SSBP2: variants seen among roughly 807,000 people sequenced by gnomAD.
The protein encoded by SSBP2 is single-stranded DNA-binding protein 2.
Under a neutral mutation model 61.8 loss-of-function variants are expected in SSBP2, and 17 were observed. That is an observed-to-expected ratio of 0.28 (90% CI 0.19 to 0.41). The LOEUF (loss-of-function observed/expected upper bound fraction) is 0.41, where lower values mean the gene tolerates loss of function less well. Among genes scored for constraint, SSBP2 ranks in the 10% least tolerant of loss-of-function variants. The pLI is 1.00. For synonymous variants in SSBP2, 139 were observed against 141.3 expected (o/e 0.98, Z 0.12); for missense variants, 310 against 458.7 (o/e 0.68, Z 2.96).
intron 2 of SSBP2, among the ~76,000 whole-genome samples, chr5:81,647,410 T>C (rs1025725926): frequency 6.6e-6 from 1 of 152,136 alleles, no homozygotes; most frequent in African/African-American, 2.4e-5. Flanking sequence ...TACTAGACAA[T>C]GTTTTGGAAG....
chr5:81,669,308 G>T (rs1274982430), intron 1 of SSBP2, among the ~76,000 whole-genome samples: 1 of 151,862 alleles, frequency 6.6e-6, no homozygotes. Flanking sequence ...CTCTTATCAG[G>T]AATTGTACTC....
In SSBP2 at chr5:81,480,316, A is replaced by G. The variant is rs777121330; in HGVS notation, c.433-5754T>C. Among the ~76,000 whole-genome samples, 39 of 152,202 alleles carry G rather than the reference A, an allele frequency of 2.6e-4. No individual in the cohort carries two copies. The South Asian group carries it at 2.9e-3, about 11-fold the overall frequency. The stretch of plus-strand genomic sequence containing the variant: ...GCTCAAGACCATGCAATAAAAGTGA[A>G]TATCACATTAAGTGAGTCATATGAA... On this transcript the variant is annotated intron_variant, in intron 6 of 16. Transcript: ENST00000320672.
intron 15 of SSBP2, among the ~76,000 whole-genome samples, chr5:81,432,904 C>CGGCT (rs1246500941): frequency 7.1e-6 from 1 of 141,192 alleles, no homozygotes; most frequent in Non-Finnish European, 1.5e-5. Context: ...CCCCTCTGCC[C>CGGCT]GGCCAGCCAC....
Position 81,491,821 on chromosome 5 carries a change from T to C in SSBP2, c.373-2512A>G, listed in dbSNP as rs901737399. ...ATAGCTAAAAACTACTACTTTTACCTGAAATATAAGATTACTATGGTTAAA... is the reference window on the plus strand; with the variant it reads ...ATAGCTAAAAACTACTACTTTTACCCGAAATATAAGATTACTATGGTTAAA... On this transcript the variant is annotated intron_variant, in intron 5 of 16. Transcript: ENST00000320672. Among the ~76,000 whole-genome samples, 4 of 152,174 alleles carry C rather than the reference T, an allele frequency of 2.6e-5. No homozygotes were observed. The East Asian group carries it at 5.8e-4, about 22-fold the overall frequency.
chr5:81,658,989 T>C (rs1162833572), intron 1 of SSBP2, among the ~76,000 whole-genome samples: 1 of 152,118 alleles, frequency 6.6e-6, no homozygotes, highest in Non-Finnish European at 1.5e-5. Context: ...AAACTCTCAA[T>C]AAACTAGGTA....
intron 1 of SSBP2, among the ~76,000 whole-genome samples, chr5:81,698,782 T>A (rs1473591153): frequency 6.6e-6 from 1 of 152,166 alleles, no homozygotes; most frequent in East Asian, 1.9e-4. Context: ...TACTCCAGCC[T>A]AGGTGACAGA....
intron 4 of SSBP2, among the ~76,000 whole-genome samples, chr5:81,541,577 T>C (rs932655646): frequency 1.3e-5 from 2 of 151,896 alleles, no homozygotes; most frequent in South Asian, 2.1e-4. Flanking sequence ...AAGAGACATA[T>C]AGACTAATGG....
At chr5:81,697,677 T>A (rs565135736) in intron 1 of SSBP2, among the ~76,000 whole-genome samples, 86 of 152,246 alleles carry the variant, frequency 5.6e-4, no homozygotes, top group African/African-American at 1.9e-3. Flanking sequence ...AAGAACAAAC[T>A]AAAACAGGGC....
At chr5:81,630,059 T>C (rs563433926) in intron 3 of SSBP2, among the ~76,000 whole-genome samples, 2 of 152,194 alleles carry the variant, frequency 1.3e-5, no homozygotes, top group Admixed American at 1.3e-4. Flanking sequence ...TTTAAAATAT[T>C]CTATTAAAAA....
intron 4 of SSBP2, among the ~76,000 whole-genome samples, chr5:81,594,461 G>C (rs1325735650): frequency 2.6e-5 from 4 of 152,088 alleles, no homozygotes; most frequent in African/African-American, 9.7e-5. Context: ...AGGATACCCA[G>C]GAATTGAACT....
intron 1 of SSBP2, among the ~76,000 whole-genome samples, chr5:81,685,856 A>G (rs1752731084): frequency 6.6e-6 from 1 of 152,238 alleles, no homozygotes; most frequent in Non-Finnish European, 1.5e-5. Flanking sequence ...AAAACCTTCC[A>G]TTTATTTTAG....
intron 4 of SSBP2, among the ~76,000 whole-genome samples, chr5:81,591,589 G>A (rs1775507208): frequency 6.6e-6 from 1 of 152,066 alleles, no homozygotes; most frequent in African/African-American, 2.4e-5. Context: ...GACAGAAACT[G>A]TGAGAGAAAA....
intron 4 of SSBP2, among the ~76,000 whole-genome samples, chr5:81,597,341 A>G (rs1345361976): frequency 6.6e-6 from 1 of 152,150 alleles, no homozygotes; most frequent in African/African-American, 2.4e-5. Flanking sequence ...AATGGCAATC[A>G]TTAAAGTCAG....
At chr5:81,604,295 T>C (rs1744664760) in intron 4 of SSBP2, among the ~76,000 whole-genome samples, 1 of 151,352 alleles carries the variant, frequency 6.6e-6, no homozygotes, top group South Asian at 2.1e-4. Flanking sequence ...GCTGTGTTCA[T>C]ATAGCAAAAA....
intron 1 of SSBP2, among the ~76,000 whole-genome samples, chr5:81,720,865 T>C (rs1755500454): frequency 6.6e-6 from 1 of 152,224 alleles, no homozygotes; most frequent in Admixed American, 6.5e-5. Flanking sequence ...CACATTTTCC[T>C]GATTATTCCA....
intron 1 of SSBP2, among the ~76,000 whole-genome samples, chr5:81,692,826 C>T (rs535212018): frequency 1.6e-4 from 25 of 152,190 alleles, no homozygotes; most frequent in African/African-American, 5.8e-4. Context: ...GAAACAAGAT[C>T]CCTATTTCTC....
intron 5 of SSBP2, among the ~76,000 whole-genome samples, chr5:81,512,148 G>C (rs971932082): frequency 3.3e-5 from 5 of 152,022 alleles, no homozygotes; most frequent in African/African-American, 1.2e-4. Context: ...GAGAAAGAAG[G>C]GAATGAGGAA....
intron 5 of SSBP2, among the ~76,000 whole-genome samples, chr5:81,496,728 C>CTCT (rs550579385): frequency 0.024 from 2,791 of 116,816 alleles, 71 homozygotes; most frequent in African/African-American, 0.13. Flanking sequence ...TTACTACATC[C>CTCT]TCCTCATTTT....
Position 81,744,205 on chromosome 5 carries a change from A to G in SSBP2, c.62+6776T>C, listed in dbSNP as rs188259382. Among the ~76,000 whole-genome samples the G allele has an allele frequency of 3.6e-3, 541 of 152,338 alleles. 2 individuals are homozygous for G. Among genetic ancestry groups the G allele is most frequent in the African/African-American group, 0.012 (492 of 41,584 alleles). On this transcript the variant is annotated intron_variant, in intron 1 of 16. Coordinates refer to ENST00000320672, the MANE Select transcript of SSBP2 (RefSeq NM_012446.5). ...CTATGACAAAACACAAACTCTTTATATACTATTTAGGATTTTGTTATTTTA... is the reference window on the plus strand; with the variant it reads ...CTATGACAAAACACAAACTCTTTATGTACTATTTAGGATTTTGTTATTTTA...
Sources: gnomAD v4.1 joint callset for allele counts (sites outside exome capture counted in the v4.1 genomes callset) on GRCh38, gnomAD v4.1.1 for gene constraint, MANE v1.5 for transcripts, NCBI Gene and HGNC (gene_info 2026-07-23, HGNC 2026-07-21) for gene names.